Variants in ARFGAP3 observed in about 807,000 individuals in gnomAD.
ARFGAP3 encodes ARF GTPase activating protein 3.
A neutral mutation model predicts 75.0 loss-of-function variants in ARFGAP3; 72 were observed. That is an observed-to-expected ratio of 0.96 (90% CI 0.79 to 1.17). ARFGAP3 has a LOEUF of 1.17. Among genes scored for constraint, ARFGAP3 ranks in the 50% most tolerant of loss-of-function variants. The pLI, the probability that ARFGAP3 is intolerant of heterozygous loss-of-function variation, is 0.00. For missense variants in ARFGAP3, 620 were observed against 626.6 expected (o/e 0.99, Z 0.11); for synonymous variants, 221 against 217.9 (o/e 1.01, Z -0.13).
chr22:42,855,427 T>C (rs1182051879), intron 1 of ARFGAP3, among the ~76,000 whole-genome samples: 1 of 152,240 alleles, frequency 6.6e-6, no homozygotes, highest in Non-Finnish European at 1.5e-5. Flanking sequence ...GGCTCACGCC[T>C]GTAATCCCAG....
chr22:42,817,020 G>C (rs1170067547), intron 11 of ARFGAP3, 122 bp downstream of exon 11: 1 of 744,696 alleles, frequency 1.3e-6, no homozygotes, highest in Non-Finnish European at 2.2e-6. Context: ...GCTCCAGCCA[G>C]AGCTTTTAAA....
Position 42,835,490 on chromosome 22 carries a change from A to C in ARFGAP3, c.265T>G (p.Ser89Ala). ...GAACACCCATGTTGATGAAAAAAGG[A>C]AGACTACAGAGAAAAGCATGCACAT... ...MQVGGNASAS[S>A]FFHQHGCSTN... Residue 89 changes from serine to alanine, a missense_variant, in exon 4 of 16, where the codon TCC becomes GCC. Transcript: ENST00000263245. The C allele has an allele frequency of 1.2e-6, 2 of 1,613,786 alleles. No individual in the cohort carries two copies. Among genetic ancestry groups the C allele is most frequent in the Non-Finnish European group, 1.7e-6 (2 of 1,179,774 alleles).
chr22:42,846,019 C>A (rs1166064625), intron 2 of ARFGAP3, among the ~76,000 whole-genome samples: 5 of 83,762 alleles, frequency 6.0e-5, no homozygotes, highest in Non-Finnish European at 8.4e-5. Context: ...GCTTGGGCGA[C>A]AAGAGCAAAA....
At chr22:42,822,237 G>T in intron 9 of ARFGAP3, 33 bp downstream of exon 9, 1 of 1,558,188 alleles carries the variant, frequency 6.4e-7, no homozygotes, top group Non-Finnish European at 8.8e-7. Context: ...TTTATTCCCT[G>T]AAAATGTATT....
chr22:42,830,090 T>G (rs1387679022), intron 6 of ARFGAP3, among the ~76,000 whole-genome samples: 1 of 151,914 alleles, frequency 6.6e-6, no homozygotes, highest in Non-Finnish European at 1.5e-5. Flanking sequence ...TACCTATAAC[T>G]CAATACAAAG....
intron 3 of ARFGAP3, 94 bp from the exon 4 acceptor site, chr22:42,835,587 C>T (rs538977889): frequency 1.1e-4 from 154 of 1,426,758 alleles, no homozygotes; most frequent in Admixed American, 4.5e-4. Flanking sequence ...TCTGGGAGGC[C>T]GAGGCAGGCA....
intron 2 of ARFGAP3, among the ~76,000 whole-genome samples, chr22:42,842,081 C>T (rs923122049): frequency 4.0e-5 from 6 of 149,812 alleles, no homozygotes; most frequent in African/African-American, 7.4e-5. Context: ...CTTGACTCAC[C>T]GCAACCTCTG....
chr22:42,842,011 CTTTT>C (rs55825441), intron 2 of ARFGAP3, among the ~76,000 whole-genome samples: 1,032 of 91,252 alleles, frequency 0.011, 8 homozygotes, highest in African/African-American at 0.046. Flanking sequence ...CCATGCCGGG[CTTTT>C]TTTTTTTTTT....
rs922291882 is a variant in ARFGAP3 at position 42,796,938 on chromosome 22, C to A, written c.*650G>T. Reference sequence around the variant, plus strand: ...TTTCTCATCAATTCAAACAGCAACACCTTTCACAAGATAACATTAATTCCC... The same window carrying A: ...TTTCTCATCAATTCAAACAGCAACAACTTTCACAAGATAACATTAATTCCC... On this transcript the variant is annotated 3_prime_UTR_variant, in exon 16 of 16. Coordinates refer to ENST00000263245, the MANE Select transcript of ARFGAP3 (RefSeq NM_014570.5). 2.6e-5 allele frequency: 4 copies of A among 152,234 alleles called. No homozygotes were observed. The highest frequency in any genetic ancestry group is 5.9e-5 in the Non-Finnish European group (4 of 68,082). The allele number at this position is 152,234 out of a possible 1,614,324, so 9.4% of individuals were successfully genotyped here.
intron 9 of ARFGAP3, among the ~76,000 whole-genome samples, chr22:42,819,833 T>A (rs1925734750): frequency 6.6e-6 from 1 of 152,240 alleles, no homozygotes; most frequent in African/African-American, 2.4e-5. Flanking sequence ...AAAACACCTG[T>A]ACTTTCTACG....
At chr22:42,854,026 T>C (rs1927392860) in intron 1 of ARFGAP3, among the ~76,000 whole-genome samples, 1 of 152,208 alleles carries the variant, frequency 6.6e-6, no homozygotes, top group Admixed American at 6.5e-5. Flanking sequence ...AATTCCTTAG[T>C]GGAAATGCCC....
chr22:42,815,001 G>A (rs905595505), intron 11 of ARFGAP3, among the ~76,000 whole-genome samples: 1 of 152,166 alleles, frequency 6.6e-6, no homozygotes, highest in Non-Finnish European at 1.5e-5. Context: ...GCTTCCCAAA[G>A]TGCTGGGATT....
chr22:42,831,554 T>C lies in ARFGAP3; in HGVS notation c.560A>G (p.Asn187Ser). The change falls in exon 6 of 16, where the codon AAT becomes AGT. Residue 187 changes from asparagine to serine, a missense_variant. Asn to Ser is a conservative substitution (Grantham distance 46). Transcript: ENST00000263245. The stretch of plus-strand genomic sequence containing the variant: ...GACAGTTCTAAGGACTCCACCTTCA[T>C]TATTTTCCAAAGTGGTTTCCACAGG... ...SRPVETTLENNEGGQEQGPSV... is the reference protein window; with the variant it reads ...SRPVETTLENSEGGQEQGPSV... The C allele has an allele frequency of 6.2e-7, 1 of 1,613,794 alleles. No homozygotes were observed. The highest frequency in any genetic ancestry group is 8.5e-7 in the Non-Finnish European group (1 of 1,179,834).
chr22:42,857,024 C>T, intron 1 of ARFGAP3, 90 bp downstream of exon 1: 1 of 1,334,308 alleles, frequency 7.5e-7, no homozygotes, highest in Non-Finnish European at 9.8e-7. Flanking sequence ...CCGGCCCCGC[C>T]TCCCAAGCCA....
intron 4 of ARFGAP3, among the ~76,000 whole-genome samples, chr22:42,834,923 T>C (rs1386122532): frequency 9.9e-5 from 15 of 152,234 alleles, no homozygotes; most frequent in Admixed American, 8.5e-4. Flanking sequence ...AAGGGCTATC[T>C]AATGTTCTGA....
Position 42,835,325 on chromosome 22 carries a change from G to C in ARFGAP3, c.393+37C>G, listed in dbSNP as rs543153528. 42 of 1,599,632 alleles carry C rather than the reference G, an allele frequency of 2.6e-5. No individual in the cohort carries two copies. In the South Asian group the frequency reaches 4.3e-4, roughly 16 times the overall value. ...ATCACTTTTTCTATGAAGTGAACAT[G>C]TATCTAAAGGAAACAATCCAGCCTC... On this transcript the variant is annotated intron_variant, in intron 4 of 15. Coordinates refer to ENST00000263245, the MANE Select transcript of ARFGAP3 (RefSeq NM_014570.5).
intron 6 of ARFGAP3, among the ~76,000 whole-genome samples, chr22:42,831,034 T>A (rs1417022816): frequency 6.6e-6 from 1 of 151,536 alleles, no homozygotes; most frequent in Non-Finnish European, 1.5e-5. Flanking sequence ...GTGTGGTGGC[T>A]CACGCCTGTA....
chr22:42,824,923 A>T (rs1176808117), intron 7 of ARFGAP3, among the ~76,000 whole-genome samples: 1 of 152,164 alleles, frequency 6.6e-6, no homozygotes. Context: ...GCCCCCACTT[A>T]TAAGTGAAAA....
intron 11 of ARFGAP3, 82 bp from the exon 12 acceptor site, chr22:42,811,026 G>C: frequency 1.9e-6 from 3 of 1,551,902 alleles, no homozygotes; most frequent in South Asian, 2.5e-5. Context: ...ACAGATGTGG[G>C]GGATGCCTCC....
Sources: allele counts gnomAD v4.1 joint callset (sites outside exome capture counted in the v4.1 genomes callset), GRCh38; gene constraint gnomAD v4.1.1; transcripts MANE v1.5; gene names NCBI Gene and HGNC (gene_info 2026-07-23, HGNC 2026-07-21).